The following ADAMTS19 variants were observed in gnomAD, a reference collection of about 807,000 sequenced individuals.
ADAMTS19 encodes ADAM metallopeptidase with thrombospondin type 1 motif 19, also known as A disintegrin and metalloproteinase with thrombospondin motifs 19.
A neutral mutation model predicts 153.3 loss-of-function variants in ADAMTS19; 93 were observed. The ratio of observed to expected loss-of-function variants is 0.61; its 90% CI spans 0.51 to 0.72. The LOEUF (loss-of-function observed/expected upper bound fraction) is 0.72. Ranked by LOEUF, ADAMTS19 falls within the 30% of genes least tolerant of loss-of-function variation. ADAMTS19 has a pLI of 0.00. For synonymous variants in ADAMTS19, 600 were observed against 556.6 expected, an observed-to-expected ratio of 1.08 and a Z score of -1.10; for missense variants, 1,482 against 1,552.1, an observed-to-expected ratio of 0.95 and a Z score of 0.76.
intron 7 of ADAMTS19, among the ~76,000 whole-genome samples, chr5:129,587,067 A>AACTAATCC (rs906128109): frequency 4.6e-4 from 70 of 151,892 alleles, no homozygotes; most frequent in African/African-American, 1.7e-3. Flanking sequence ...ATTTTAAATT[A>AACTAATCC]ATCCAGGAAA....
At chr5:129,537,069 A>G (rs895579246) in intron 6 of ADAMTS19, among the ~76,000 whole-genome samples, 2 of 151,736 alleles carry the variant, frequency 1.3e-5, no homozygotes, top group African/African-American at 4.8e-5. Flanking sequence ...TAATAATTTA[A>G]AAAAAAGAAA....
Position 129,527,954 on chromosome 5 carries a change from A to G in ADAMTS19, c.1170+123A>G, listed in dbSNP as rs112005445. On this transcript the variant is annotated intron_variant, in intron 5 of 22. Coordinates refer to ENST00000274487, the MANE Select transcript of ADAMTS19 (RefSeq NM_133638.6). ...CAGAAATATCCACTGAATCACTTAA[A>G]GTATACATAAAACTGGCCTTTAGTT... The G allele has an allele frequency of 1.4e-3, 834 of 575,852 alleles. 3 individuals carry two copies. Among genetic ancestry groups the G allele is most frequent in the Non-Finnish European group, 1.3e-3 (428 of 328,066 alleles). The allele number at this position is 575,852 out of a possible 1,614,324, so 35.7% of individuals were successfully genotyped here.
chr5:129,479,923 T>TA (rs918493364), intron 2 of ADAMTS19, among the ~76,000 whole-genome samples: 2 of 152,118 alleles, frequency 1.3e-5, no homozygotes, highest in African/African-American at 4.8e-5. Flanking sequence ...ACTCATTTTT[T>TA]AAAAAAACAA....
intron 18 of ADAMTS19, among the ~76,000 whole-genome samples, chr5:129,692,939 GAAT>G (rs987678479): frequency 4.1e-4 from 62 of 152,244 alleles, no homozygotes; most frequent in African/African-American, 1.5e-3. Flanking sequence ...AGCTCCCATA[GAAT>G]AAGTTGCATT....
intron 2 of ADAMTS19, among the ~76,000 whole-genome samples, chr5:129,500,181 G>A (rs990563236): frequency 6.6e-6 from 1 of 152,084 alleles, no homozygotes; most frequent in African/African-American, 2.4e-5. Flanking sequence ...GGCTTTCTTA[G>A]AAGAAATTAC....
intron 21 of ADAMTS19, among the ~76,000 whole-genome samples, chr5:129,718,982 A>G (rs958029520): frequency 6.6e-6 from 1 of 152,150 alleles, no homozygotes; most frequent in South Asian, 2.1e-4. Flanking sequence ...TCCAAAATAT[A>G]TATCTTTGGC....
At position 129,461,246 on chromosome 5, in the gene ADAMTS19, G is replaced by A. The variant is rs1346114485; in HGVS notation, c.236G>A (p.Arg79Gln). Residue 79 changes from arginine to glutamine, a missense_variant, in exon 2 of 23, where the codon CGG (arginine) becomes CAG (glutamine). By Grantham distance (43) the Arg-to-Gln change is conservative. Transcript: ENST00000274487. This position sits in a 1 kb window ranked among gnomAD's most constrained non-coding sequence, Gnocchi z 4.6. ...GGCGTTGGGGGCGGCGGAAGCGCCC[G>A]GGCGCAGGCTGCCGGCAGCTCACGC... is the stretch of plus-strand genomic sequence containing the variant. Reference protein sequence around the residue: ...VRGVGGGGSARAQAAGSSREV... With the variant: ...VRGVGGGGSAQAQAAGSSREV... 7.1e-6 allele frequency: 9 copies of A among 1,262,778 alleles called. 1 individual carries two copies. Among genetic ancestry groups the A allele is most frequent in the South Asian group, 6.7e-5 (2 of 30,010 alleles). 78.2% of individuals were successfully genotyped at this position (1,262,778 alleles called of 1,614,324 possible). A position where few individuals can be genotyped will look rare whatever the true frequency, so the allele number is the denominator to read the frequency against.
chr5:129,528,018 C>T (rs1012377908), intron 5 of ADAMTS19, among the ~76,000 whole-genome samples, 187 bp downstream of exon 5: 5 of 151,794 alleles, frequency 3.3e-5, no homozygotes, highest in Admixed American at 2.0e-4. Context: ...AATAAGATGT[C>T]GTTAGTTTCC....
intron 2 of ADAMTS19, among the ~76,000 whole-genome samples, chr5:129,495,583 T>C (rs143630324): frequency 1.3e-5 from 2 of 152,234 alleles, no homozygotes; most frequent in East Asian, 3.9e-4. Flanking sequence ...CACTGTCTAG[T>C]AGAGAGTTGA....
intron 16 of ADAMTS19, among the ~76,000 whole-genome samples, chr5:129,677,096 A>G (rs1270159681): frequency 6.6e-6 from 1 of 152,216 alleles, no homozygotes. Context: ...CCTTTTAGGA[A>G]AAATCATTAA....
At chr5:129,492,071 T>C (rs1457732661) in intron 2 of ADAMTS19, among the ~76,000 whole-genome samples, 1 of 152,142 alleles carries the variant, frequency 6.6e-6, no homozygotes, top group Non-Finnish European at 1.5e-5. Context: ...CTGCAGGCTG[T>C]ATAGGAAACT....
chr5:129,531,452 T>C (rs532922791), intron 6 of ADAMTS19, among the ~76,000 whole-genome samples: 1 of 152,162 alleles, frequency 6.6e-6, no homozygotes, highest in South Asian at 2.1e-4. Context: ...TGACAGAATC[T>C]CATCTCTACT....
At chr5:129,613,521 G>A (rs887328137) in intron 8 of ADAMTS19, among the ~76,000 whole-genome samples, 5 of 151,932 alleles carry the variant, frequency 3.3e-5, no homozygotes, top group African/African-American at 1.2e-4. Context: ...GAATCTCTGG[G>A]ACACATTTAA....
intron 6 of ADAMTS19, among the ~76,000 whole-genome samples, chr5:129,544,345 G>T (rs567167627): frequency 6.6e-6 from 1 of 152,220 alleles, no homozygotes; most frequent in East Asian, 1.9e-4. Flanking sequence ...AGCATTTGGT[G>T]AAAGTAGCTG....
intron 7 of ADAMTS19, among the ~76,000 whole-genome samples, chr5:129,580,584 CTT>C (rs1175605364): frequency 2.6e-5 from 4 of 152,090 alleles, no homozygotes; most frequent in Admixed American, 6.6e-5. Flanking sequence ...ACAAATAGCT[CTT>C]ATTAATTTCA....
chr5:129,674,723 T>A (rs1018198857), intron 16 of ADAMTS19, among the ~76,000 whole-genome samples: 2 of 152,164 alleles, frequency 1.3e-5, no homozygotes, highest in Non-Finnish European at 2.9e-5. Flanking sequence ...ACTTTCACAT[T>A]TCCTATTATC....
At chr5:129,647,355 C>T (rs1031078289) in intron 11 of ADAMTS19, among the ~76,000 whole-genome samples, 5 of 151,980 alleles carry the variant, frequency 3.3e-5, no homozygotes, top group Admixed American at 6.6e-5. Flanking sequence ...TCTGCTTTGA[C>T]GTAGGACATT....
Position 129,725,061 on chromosome 5 carries a change from TAGAAA to T in ADAMTS19, c.3313-9865_3313-9861del, listed in dbSNP as rs774926235. On this transcript the variant is annotated intron_variant, in intron 21 of 22. Transcript: ENST00000274487. The stretch of plus-strand genomic sequence containing the variant: ...TTCAATTTTACAGGCTGCTCTTTGT[TAGAAA>T]AGAAATGATTTGGGGGCTGCTTTTC... 1.6e-4 allele frequency among the ~76,000 whole-genome samples: 25 copies of T among 152,134 alleles called. 1 individual carries two copies. The highest frequency in any genetic ancestry group is 1.6e-3 in the Admixed American group (24 of 15,264).
At chr5:129,736,095 AG>A (rs1757652321) in intron 22 of ADAMTS19, among the ~76,000 whole-genome samples, 1 of 152,090 alleles carries the variant, frequency 6.6e-6, no homozygotes, top group African/African-American at 2.4e-5. Flanking sequence ...AATGAGTTCA[AG>A]GTGAATAACA....
Sources: gnomAD v4.1 joint callset for allele counts (sites outside exome capture counted in the v4.1 genomes callset) on GRCh38, gnomAD v4.1.1 for gene constraint, Gnocchi (gnomAD v3.1) non-coding constraint, MANE v1.5 for transcripts, NCBI Gene and HGNC (gene_info 2026-07-23, HGNC 2026-07-21) for gene names.